Variants in BMAL2 observed in about 807,000 individuals in gnomAD.
The protein encoded by BMAL2 is basic helix-loop-helix ARNT-like protein 2.
At chr12:27,382,067 G>T in the BMAL2 span, among the ~76,000 whole-genome samples, 1 of 152,198 alleles carries the variant, frequency 6.6e-6, no homozygotes, top group African/African-American at 2.4e-5. Context: ...GGTGCTTCCT[G>T]TTGGGAGCAT....
the BMAL2 span, chr12:27,403,389 A>C: frequency 2.4e-6 from 3 of 1,231,452 alleles, no homozygotes; most frequent in East Asian, 7.0e-5. Context: ...AATTGAAAGA[A>C]AGATAAAGTC....
At chr12:27,390,461 ATGGTG>A in the BMAL2 span, 1 of 478,396 alleles carries the variant, frequency 2.1e-6, no homozygotes, top group Non-Finnish European at 3.6e-6. Flanking sequence ...CAAGATTTTA[ATGGTG>A]TTATTGAAAT....
At chr12:27,353,860 C>A in the BMAL2 span, among the ~76,000 whole-genome samples, 1 of 152,128 alleles carries the variant, frequency 6.6e-6, no homozygotes, top group African/African-American at 2.4e-5. Flanking sequence ...ATCAAAACCA[C>A]AATGAAATCC....
At chr12:27,401,458 A>T in the BMAL2 span, 2 of 1,543,546 alleles carry the variant, frequency 1.3e-6, no homozygotes, top group East Asian at 4.5e-5. Flanking sequence ...AGTTTGAATT[A>T]ATCTTCACAA....
the BMAL2 span, among the ~76,000 whole-genome samples, chr12:27,402,325 TC>T: frequency 6.6e-6 from 1 of 152,184 alleles, no homozygotes; most frequent in African/African-American, 2.4e-5. Flanking sequence ...GTTTAATACT[TC>T]CAGTATTTCC....
At chr12:27,348,935 T>C in the BMAL2 span, among the ~76,000 whole-genome samples, 3 of 152,188 alleles carry the variant, frequency 2.0e-5, no homozygotes, top group Non-Finnish European at 4.4e-5. Flanking sequence ...ATATAATGTC[T>C]GAGGGGCCCC....
At chr12:27,388,971 C>G in the BMAL2 span, among the ~76,000 whole-genome samples, 2 of 151,976 alleles carry the variant, frequency 1.3e-5, no homozygotes, top group Admixed American at 6.5e-5. Flanking sequence ...TGTGTATATC[C>G]AGGGATGGTT....
At chr12:27,414,705 C>T in the BMAL2 span, among the ~76,000 whole-genome samples, 1 of 151,770 alleles carries the variant, frequency 6.6e-6, no homozygotes, top group Non-Finnish European at 1.5e-5. Context: ...AGAAAAAAAC[C>T]CTAGCTTTAC....
the BMAL2 span, chr12:27,420,452 G>T: frequency 5.6e-6 from 9 of 1,613,724 alleles, no homozygotes; most frequent in Middle Eastern, 1.6e-4. Context: ...CACAGCCATG[G>T]CTGCATTTAT....
the BMAL2 span, among the ~76,000 whole-genome samples, chr12:27,419,629 A>G: frequency 6.6e-6 from 1 of 152,226 alleles, no homozygotes; most frequent in African/African-American, 2.4e-5. Flanking sequence ...ATAGTTTCAT[A>G]TCCTCCATGA....
chr12:27,338,440 C>T, the BMAL2 span, among the ~76,000 whole-genome samples: 7 of 149,992 alleles, frequency 4.7e-5, no homozygotes, highest in South Asian at 2.1e-4. Flanking sequence ...ATTTTAGTAT[C>T]GATGGAAAGA....
At chr12:27,344,896 G>A in the BMAL2 span, among the ~76,000 whole-genome samples, 2 of 152,152 alleles carry the variant, frequency 1.3e-5, no homozygotes, top group Admixed American at 6.5e-5. Context: ...TGGCGTGTCA[G>A]GAATCAGTAA....
At chr12:27,336,509 A>G in the BMAL2 span, among the ~76,000 whole-genome samples, 14 of 152,140 alleles carry the variant, frequency 9.2e-5, no homozygotes, top group Admixed American at 2.6e-4. Context: ...AATTTATGCA[A>G]TACTTAGCTA....
At chr12:27,345,256 G>A in the BMAL2 span, among the ~76,000 whole-genome samples, 1 of 152,242 alleles carries the variant, frequency 6.6e-6, no homozygotes, top group Non-Finnish European at 1.5e-5. Flanking sequence ...TAGTGCTGGG[G>A]AGGGCTGCAT....
chr12:27,363,428 A>G, the BMAL2 span, among the ~76,000 whole-genome samples: 1 of 152,196 alleles, frequency 6.6e-6, no homozygotes, highest in South Asian at 2.1e-4. Context: ...AGCAACTTAC[A>G]TGCTTGCCAG....
At chr12:27,420,374 A>G in the BMAL2 span, 1 of 1,613,352 alleles carries the variant, frequency 6.2e-7, no homozygotes, top group Non-Finnish European at 8.5e-7. Context: ...TTACTTACAC[A>G]GGCCTGTATT....
the BMAL2 span, among the ~76,000 whole-genome samples, chr12:27,341,146 G>A: frequency 3.5e-5 from 4 of 113,468 alleles, no homozygotes; most frequent in East Asian, 6.5e-4. Flanking sequence ...ATACTATGTT[G>A]AGTAAGAGTG....
the BMAL2 span, among the ~76,000 whole-genome samples, chr12:27,360,380 G>C: frequency 6.6e-6 from 1 of 152,114 alleles, no homozygotes; most frequent in African/African-American, 2.4e-5. Context: ...ATTTGTATAA[G>C]ATCTGTCAAT....
the BMAL2 span, among the ~76,000 whole-genome samples, chr12:27,404,184 C>CAA: frequency 8.4e-3 from 660 of 78,278 alleles, 4 homozygotes; most frequent in Non-Finnish European, 0.013. Context: ...GACCCTGTCT[C>CAA]AAAAAAAAAA....
Sources: gnomAD v4.1 joint callset for allele counts (sites outside exome capture counted in the v4.1 genomes callset) on GRCh38, gnomAD v4.1.1 for gene constraint, MANE v1.5 for transcripts, NCBI Gene and HGNC (gene_info 2026-07-23, HGNC 2026-07-21) for gene names.